The following PAX4 variants were observed in gnomAD, a reference collection of about 807,000 sequenced individuals.
PAX4 encodes paired box protein Pax-4.
In PAX4, 33 loss-of-function variants were observed where a neutral mutation model predicts 40.6. The ratio of observed to expected loss-of-function variants is 0.81; its 90% CI spans 0.62 to 1.09. PAX4 has a LOEUF of 1.09. Ranked by LOEUF, PAX4 falls within the 50% of genes least tolerant of loss-of-function variation. PAX4 has a pLI of 0.00. For missense variants in PAX4, 459 were observed against 442.5 expected (o/e 1.04, Z -0.33); for synonymous variants, 174 against 170.6 (o/e 1.02, Z -0.16).
At chr7:127,615,143 G>A in intron 4 of PAX4, 48 bp from the exon 5 acceptor site, 1 of 1,613,672 alleles carries the variant, frequency 6.2e-7, no homozygotes, top group South Asian at 1.1e-5. Flanking sequence ...TGGGCAGAAG[G>A]AAGGAGAGTG....
chr7:127,615,614 G>A, intron 3 of PAX4, 83 bp from the exon 4 acceptor site: 2 of 1,606,482 alleles, frequency 1.2e-6, no homozygotes. Context: ...GGCCCCTCCA[G>A]CCTGGCTTCC....
chr7:127,615,095 C>A lies in PAX4; in HGVS notation c.145G>T (p.Val49Leu), dbSNP rs761898311. 3.1e-6 allele frequency: 5 copies of A among 1,614,166 alleles called. No homozygotes were observed. The highest frequency in any genetic ancestry group is 2.5e-6 in the Non-Finnish European group (3 of 1,180,038). Reference sequence around the variant, plus strand: ...ATCTTGCTCACACAGCCATTAGATACCTGAGTCAGGTGAGAAGCAGGGACA... The same window carrying A: ...ATCTTGCTCACACAGCCATTAGATAACTGAGTCAGGTGAGAAGCAGGGACA... Reference protein sequence around the residue: ...RPCDISRILKVSNGCVSKILG... With the variant: ...RPCDISRILKLSNGCVSKILG... Residue 49 changes from valine (V) to leucine (L), a missense_variant and splice_region_variant, in exon 5 of 12, where the codon GTA becomes TTA. By Grantham distance (32) the Val-to-Leu change is conservative. Coordinates refer to ENST00000639438, the MANE Select transcript of PAX4 (RefSeq NM_001366110.1).
chr7:127,614,753 T>C lies in PAX4; in HGVS notation c.360+127A>G. ...CACCACTTTTCAAAAGAAAAACTTA[T>C]GGGTCAGAATTGCCCAGGAGCCCTG... On this transcript the variant is annotated intron_variant, in intron 5 of 11. Transcript: ENST00000639438. 3.7e-6 allele frequency: 5 copies of C among 1,345,942 alleles called. No homozygotes were observed. The South Asian group carries it at 5.1e-5, about 14-fold the overall frequency. 83.4% of individuals were successfully genotyped at this position (1,345,942 alleles called of 1,614,324 possible). A position where few individuals can be genotyped will look rare whatever the true frequency, so the allele number is the denominator to read the frequency against.
intron 3 of PAX4, 169 bp downstream of exon 3, chr7:127,615,747 A>C: frequency 1.3e-6 from 2 of 1,495,780 alleles, no homozygotes; most frequent in Non-Finnish European, 1.8e-6. Context: ...ATACCCGCCA[A>C]CTCTCCTGAT....
chr7:127,615,260 A>C (rs1794706105), intron 4 of PAX4, 141 bp downstream of exon 4: 1 of 1,596,314 alleles, frequency 6.3e-7, no homozygotes. Context: ...CCCCTTTTCA[A>C]CCTCCGAGAG....
intron 2 of PAX4, among the ~76,000 whole-genome samples, chr7:127,616,859 G>T (rs1794730878): frequency 1.3e-5 from 2 of 152,338 alleles, no homozygotes; most frequent in African/African-American, 2.4e-5. Flanking sequence ...ACCGTCATGA[G>T]CCCAAGCGAG....
chr7:127,615,716 G>T, intron 3 of PAX4, 185 bp from the exon 4 acceptor site: 1 of 1,506,988 alleles, frequency 6.6e-7, no homozygotes, highest in Non-Finnish European at 8.8e-7. Context: ...TGGCTCACGG[G>T]TGAGTCTTTG....
chr7:127,617,342 G>A lies in PAX4; in HGVS notation c.-167C>T, dbSNP rs1794736718. On this transcript the variant is annotated 5_prime_UTR_variant, in exon 2 of 12. Transcript: ENST00000639438. ...ATCTTTCCAAAAAGTCGGGAAAGAA[G>A]GCAGAGGTTTTCCAAAGAGAAAACT... 6.6e-6 allele frequency: 1 copy of A among 152,196 alleles called. No homozygotes were observed. Among genetic ancestry groups the A allele is most frequent in the African/African-American group, 2.4e-5 (1 of 41,448 alleles). 9.4% of individuals were successfully genotyped at this position (152,196 alleles called of 1,614,324 possible).
intron 8 of PAX4, 88 bp downstream of exon 8, chr7:127,613,362 C>A (rs559857078): frequency 7.8e-7 from 1 of 1,277,340 alleles, no homozygotes; most frequent in South Asian, 1.2e-5. Flanking sequence ...TTTCTCACCT[C>A]CCCTCTCCAC....
intron 6 of PAX4, among the ~76,000 whole-genome samples, 191 bp from the exon 7 acceptor site, chr7:127,614,072 T>A (rs551726148): frequency 6.6e-6 from 1 of 151,752 alleles, no homozygotes; most frequent in East Asian, 1.9e-4. Flanking sequence ...AATACCATGG[T>A]GGGGTGCATG....
At chr7:127,615,558 C>A in intron 3 of PAX4, 27 bp from the exon 4 acceptor site, 1 of 1,613,018 alleles carries the variant, frequency 6.2e-7, no homozygotes, top group Non-Finnish European at 8.5e-7. Context: ...GGTATCCACA[C>A]ACCACCTCTC....
chr7:127,612,978 T>TGGAG (rs1464742901), intron 9 of PAX4, 44 bp downstream of exon 9: 1 of 1,409,938 alleles, frequency 7.1e-7, no homozygotes, highest in Non-Finnish European at 1.0e-6. Context: ...GATGGATGGA[T>TGGAG]AGATGACTGA....
In PAX4 at chr7:127,611,014, G is replaced by T. The variant is rs779540860; in HGVS notation, c.*50C>A. ...TATGGGCAGGACGGTAAGGACAATG[G>T]GCAGGATGGTATTAGATCTTCTCTA... is the stretch of plus-strand genomic sequence containing the variant. On this transcript the variant is annotated 3_prime_UTR_variant, in exon 12 of 12. Coordinates refer to ENST00000639438, the MANE Select transcript of PAX4 (RefSeq NM_001366110.1). 1.0e-5 allele frequency: 16 copies of T among 1,565,412 alleles called. No individual in the cohort carries two copies. Among genetic ancestry groups the T allele is most frequent in the Non-Finnish European group, 1.4e-5 (16 of 1,153,016 alleles).
intron 7 of PAX4, 24 bp downstream of exon 7, chr7:127,613,732 C>A: frequency 1.2e-6 from 2 of 1,613,552 alleles, no homozygotes; most frequent in Admixed American, 1.7e-5. Flanking sequence ...ACTCTCTGAC[C>A]CTCCATCTGT....
chr7:127,610,546 A>AGTGTGT lies in PAX4; in HGVS notation c.*512_*517dup, dbSNP rs36159526. 0.015 allele frequency: 3,033 copies of AGTGTGT among 204,480 alleles called. 36 individuals carry two copies. Among genetic ancestry groups the AGTGTGT allele is most frequent in the South Asian group, 0.023 (212 of 9,184 alleles). The allele number at this position is 204,480 out of a possible 1,614,324, so 12.7% of individuals were successfully genotyped here. A position where few individuals can be genotyped will look rare whatever the true frequency, so the allele number is the denominator to read the frequency against. ...GAATAAAATGCCATGATATAATGTC[A>AGTGTGT]GTGTGTGTGTGTGTGTGTGTGTGTG... On this transcript the variant is annotated 3_prime_UTR_variant, in exon 12 of 12. Coordinates refer to ENST00000639438, the MANE Select transcript of PAX4 (RefSeq NM_001366110.1).
At chr7:127,614,256 G>A (rs375766027) in intron 6 of PAX4, among the ~76,000 whole-genome samples, 2 of 152,218 alleles carry the variant, frequency 1.3e-5, no homozygotes, top group East Asian at 3.9e-4. Context: ...GGGGACCTGT[G>A]TTCTGTTCCA....
intron 1 of PAX4, among the ~76,000 whole-genome samples, chr7:127,617,670 G>T (rs77164632): frequency 0.018 from 2,684 of 152,256 alleles, 96 homozygotes; most frequent in African/African-American, 0.061. Flanking sequence ...AGAGCAGTAG[G>T]GATGCAGGTT....
At chr7:127,616,433 C>G (rs1794725136) in intron 2 of PAX4, among the ~76,000 whole-genome samples, 1 of 152,206 alleles carries the variant, frequency 6.6e-6, no homozygotes, top group South Asian at 2.1e-4. Context: ...TCCTCAAGTT[C>G]AGGGGTCCAC....
chr7:127,615,030 C>A lies in PAX4; in HGVS notation c.210G>T (p.Lys70Asn). The change falls in exon 5 of 12, where the codon AAG (lysine) becomes AAT (asparagine). Residue 70 changes from lysine to asparagine, a missense_variant. Coordinates refer to ENST00000639438, the MANE Select transcript of PAX4 (RefSeq NM_001366110.1). ...RYYRTGVLEP[K>N]GIGGSKPRLA... The stretch of plus-strand genomic sequence containing the variant: ...GCCGTGGCTTGCTTCCCCCAATGCC[C>A]TTTGGCTCCAAGACACCTGTGCGGT... The A allele has an allele frequency of 6.2e-7, 1 of 1,614,228 alleles. No individual in the cohort carries two copies. Among genetic ancestry groups the A allele is most frequent in the East Asian group, 2.2e-5 (1 of 44,872 alleles).
Sources: gnomAD v4.1 joint callset for allele counts (sites outside exome capture counted in the v4.1 genomes callset) on GRCh38, gnomAD v4.1.1 for gene constraint, MANE v1.5 for transcripts, NCBI Gene and HGNC (gene_info 2026-07-23, HGNC 2026-07-21) for gene names.